The following DSCAM variants were observed in gnomAD, a reference collection of about 807,000 sequenced individuals.
The protein encoded by DSCAM is DS cell adhesion molecule.
A neutral mutation model predicts 217.7 loss-of-function variants in DSCAM; 47 were observed. That is an observed-to-expected ratio of 0.22 (90% CI 0.17 to 0.28). The LOEUF is 0.28. DSCAM is among the 10% of genes least tolerant of loss of function. The pLI, the probability that DSCAM is intolerant of heterozygous loss-of-function variation, is 1.00. For missense variants in DSCAM, 2,080 were observed against 2,618.3 expected, an observed-to-expected ratio of 0.79 and a Z score of 4.49; for synonymous variants, 1,056 against 1,015.3, an observed-to-expected ratio of 1.04 and a Z score of -0.76.
chr21:40,728,688 G>A (rs544901485), intron 1 of DSCAM, among the ~76,000 whole-genome samples: 71 of 152,276 alleles, frequency 4.7e-4, no homozygotes, highest in African/African-American at 1.6e-3. Context: ...CCAAAGTGCT[G>A]GGATTACAGG....
intron 16 of DSCAM, among the ~76,000 whole-genome samples, chr21:40,161,852 G>T (rs978385486): frequency 2.0e-5 from 3 of 152,092 alleles, no homozygotes; most frequent in African/African-American, 7.2e-5. Context: ...GATAGTTGAA[G>T]AATTAAGTAA....
At chr21:40,055,596 T>C (rs911495818) in intron 29 of DSCAM, 129 bp downstream of exon 29, 1 of 673,702 alleles carries the variant, frequency 1.5e-6, no homozygotes, top group African/African-American at 1.8e-5. Context: ...TTCTCTACCT[T>C]CTAGCTTTGG....
chr21:40,760,918 T>C (rs2146583770), intron 1 of DSCAM, among the ~76,000 whole-genome samples: 1 of 152,320 alleles, frequency 6.6e-6, no homozygotes, highest in Admixed American at 6.5e-5. Flanking sequence ...GTCCCCATAG[T>C]GTGTGCATGT....
chr21:40,201,212 C>T (rs550815683), intron 11 of DSCAM, among the ~76,000 whole-genome samples: 5 of 152,044 alleles, frequency 3.3e-5, no homozygotes, highest in African/African-American at 9.7e-5. Context: ...AGGGGAAAGA[C>T]GAAGAACATT....
chr21:40,171,598 G>C (rs1386512035), intron 15 of DSCAM, among the ~76,000 whole-genome samples: 2 of 150,386 alleles, frequency 1.3e-5, no homozygotes. Context: ...GATGAAAACA[G>C]TCCAGACAAA....
intron 9 of DSCAM, among the ~76,000 whole-genome samples, chr21:40,300,002 A>AC (rs752292332): frequency 5.9e-5 from 9 of 151,704 alleles, no homozygotes; most frequent in Non-Finnish European, 1.3e-4. Flanking sequence ...CCATCCTTTG[A>AC]CCCCTCCCAG....
At chr21:40,558,652 C>T (rs1295942977) in intron 3 of DSCAM, among the ~76,000 whole-genome samples, 5 of 152,136 alleles carry the variant, frequency 3.3e-5, no homozygotes, top group Admixed American at 3.3e-4. Flanking sequence ...CTCTTCATAG[C>T]TTATGCATCA....
intron 1 of DSCAM, among the ~76,000 whole-genome samples, chr21:40,767,940 A>C (rs987260141): frequency 6.6e-6 from 1 of 151,990 alleles, no homozygotes; most frequent in Non-Finnish European, 1.5e-5. Flanking sequence ...TGGTTTCACT[A>C]TGAGATATAC....
intron 3 of DSCAM, among the ~76,000 whole-genome samples, chr21:40,550,250 C>T (rs115236520): frequency 9.9e-5 from 15 of 152,248 alleles, no homozygotes; most frequent in Middle Eastern, 3.4e-3. Context: ...ACTAGTCGGG[C>T]GCAGTGGCTC....
chr21:40,013,166 G>T lies in DSCAM; in HGVS notation c.5907C>A (p.Ala1969=). The change falls in exon 33 of 33, where the codon GCC becomes GCA. Residue 1969 remains alanine, a synonymous_variant. Coordinates refer to ENST00000400454, the MANE Select transcript of DSCAM (RefSeq NM_001389.5). Reference sequence around the variant, plus strand: ...CTGCTCCCTCCCGCTGAGGTAATGTGGCCACGGCCCCCGGCTGCCACGACT... The same window carrying T: ...CTGCTCCCTCCCGCTGAGGTAATGTTGCCACGGCCCCCGGCTGCCACGACT... ...EGQSWQPGAV[A]TLPQREGAEL... 1 of 1,613,690 alleles carries T rather than the reference G, an allele frequency of 6.2e-7. No individual in the cohort carries two copies. Among genetic ancestry groups the T allele is most frequent in the Non-Finnish European group, 8.5e-7 (1 of 1,179,806 alleles).
intron 3 of DSCAM, among the ~76,000 whole-genome samples, chr21:40,690,512 A>C (rs2090527607): frequency 6.6e-6 from 1 of 152,198 alleles, no homozygotes; most frequent in Non-Finnish European, 1.5e-5. Context: ...GCTGTTGTGA[A>C]GTACAAACCA....
At chr21:40,313,720 C>T (rs527947064) in intron 8 of DSCAM, among the ~76,000 whole-genome samples, 9 of 152,120 alleles carry the variant, frequency 5.9e-5, no homozygotes, top group African/African-American at 2.2e-4. Flanking sequence ...TAAATCATGT[C>T]AATATAACTA....
intron 1 of DSCAM, among the ~76,000 whole-genome samples, chr21:40,801,267 A>G (rs911054466): frequency 1.3e-5 from 2 of 152,202 alleles, no homozygotes; most frequent in African/African-American, 4.8e-5. Context: ...TTGGCTGCTT[A>G]TGCTGATATT....
At chr21:40,179,598 G>C (rs1319360325) in intron 14 of DSCAM, among the ~76,000 whole-genome samples, 1 of 152,056 alleles carries the variant, frequency 6.6e-6, no homozygotes, top group East Asian at 1.9e-4. Flanking sequence ...AATAGAGTGT[G>C]GTAAAAACAA....
chr21:40,407,387 C>T (rs1462511280), intron 3 of DSCAM, among the ~76,000 whole-genome samples: 1 of 152,208 alleles, frequency 6.6e-6, no homozygotes, highest in African/African-American at 2.4e-5. Context: ...TGCCTTAACT[C>T]CCAGATTCAA....
At chr21:40,203,985 T>C (rs552828173) in intron 11 of DSCAM, among the ~76,000 whole-genome samples, 1 of 152,362 alleles carries the variant, frequency 6.6e-6, no homozygotes, top group African/African-American at 2.4e-5. Flanking sequence ...ATTTGATAAA[T>C]AATATAACGG....
chr21:40,189,045 C>G lies in DSCAM; in HGVS notation c.2550G>C (p.Leu850=). The part of the protein sequence containing the change: ...KEVGEEVIST[L]QILPTVREDS... ...GTTGTATTTGCCATGCTTTTACCTG[C>G]AGAGTAGAAATCACCTCTTCTCCCA... is the stretch of plus-strand genomic sequence containing the variant. Residue 850 remains leucine, a synonymous_variant, in exon 12 of 33, where the codon CTG becomes CTC. Transcript: ENST00000400454. 1 of 1,614,026 alleles carries G rather than the reference C, an allele frequency of 6.2e-7. No homozygotes were observed. Among genetic ancestry groups the G allele is most frequent in the African/African-American group, 1.3e-5 (1 of 75,028 alleles).
chr21:40,671,620 T>G (rs541654178), intron 3 of DSCAM, among the ~76,000 whole-genome samples: 1 of 134,426 alleles, frequency 7.4e-6, no homozygotes, highest in East Asian at 2.2e-4. Flanking sequence ...AACTGGGAGG[T>G]GGAGGTTGCA....
chr21:40,656,002 T>A (rs1351904248), intron 3 of DSCAM, among the ~76,000 whole-genome samples: 1 of 151,596 alleles, frequency 6.6e-6, no homozygotes, highest in Non-Finnish European at 1.5e-5. Flanking sequence ...CAGTGAGCCA[T>A]GATTGCACCA....
Sources: gnomAD v4.1 joint callset for allele counts (sites outside exome capture counted in the v4.1 genomes callset) on GRCh38, gnomAD v4.1.1 for gene constraint, MANE v1.5 for transcripts, NCBI Gene and HGNC (gene_info 2026-07-23, HGNC 2026-07-21) for gene names.